SHISA9: variants seen among roughly 807,000 people sequenced by gnomAD.
SHISA9 encodes shisa family member 9.
A neutral mutation model predicts 38.0 loss-of-function variants in SHISA9; 13 were observed. The ratio of observed to expected loss-of-function variants is 0.34; its 90% CI spans 0.22 to 0.54. SHISA9 has a LOEUF of 0.54. SHISA9 is among the 20% of genes least tolerant of loss of function. SHISA9 has a pLI of 0.91. For synonymous variants in SHISA9, 275 were observed against 242.0 expected, an observed-to-expected ratio of 1.14 and a Z score of -1.27; for missense variants, 538 against 575.8, an observed-to-expected ratio of 0.93 and a Z score of 0.67.
chr16:12,902,463 GC>G lies in SHISA9; in HGVS notation c.405del (p.Ala136ProfsTer17). 1.9e-6 allele frequency: 3 copies of G among 1,551,374 alleles called. No individual in the cohort carries two copies. The highest frequency in any genetic ancestry group is 2.6e-6 in the Non-Finnish European group (3 of 1,146,984). The stretch of plus-strand genomic sequence containing the variant: ...CGCCGCTCTGGCTCAACACCGGCAA[GC>G]CCCCCGCCCGCAAGGACGACCCCTT... The part of the protein sequence containing the change: ...DTPLWLNTGK[P>X]PARKDDPLHD... On this transcript the variant is annotated frameshift_variant, in exon 1 of 5. Transcript: ENST00000558583. LOFTEE classifies it high-confidence loss of function.
At chr16:13,112,045 A>G (rs2073983718) in intron 2 of SHISA9, among the ~76,000 whole-genome samples, 1 of 152,184 alleles carries the variant, frequency 6.6e-6, no homozygotes, top group Non-Finnish European at 1.5e-5. Context: ...TTTGTCTTCT[A>G]AAAATGACTC....
At chr16:13,556,560 G>A in the SHISA9 span, among the ~76,000 whole-genome samples, 1 of 152,090 alleles carries the variant, frequency 6.6e-6, no homozygotes, top group Non-Finnish European at 1.5e-5. Flanking sequence ...CTACTAGGGA[G>A]GCTGAGGCAG....
the SHISA9 span, among the ~76,000 whole-genome samples, chr16:13,455,034 C>T: frequency 6.6e-6 from 1 of 151,972 alleles, no homozygotes; most frequent in Non-Finnish European, 1.5e-5. Flanking sequence ...ATCATATCCC[C>T]TAAGTCATTT....
chr16:13,045,710 G>T (rs1167700685), intron 2 of SHISA9, among the ~76,000 whole-genome samples: 1 of 152,014 alleles, frequency 6.6e-6, no homozygotes, highest in Admixed American at 6.6e-5. Flanking sequence ...AATAAAGCTG[G>T]ATCATGGAAA....
the SHISA9 span, among the ~76,000 whole-genome samples, chr16:13,454,347 A>C: frequency 1.3e-5 from 2 of 152,196 alleles, no homozygotes; most frequent in African/African-American, 4.8e-5. Flanking sequence ...GAGTAGGAGA[A>C]GCACTTTACG....
At chr16:13,132,456 G>C (rs1420516493) in intron 2 of SHISA9, among the ~76,000 whole-genome samples, 2 of 152,114 alleles carry the variant, frequency 1.3e-5, no homozygotes, top group Non-Finnish European at 2.9e-5. Flanking sequence ...TGGCATGACT[G>C]ACATTTTGGA....
At chr16:13,095,804 C>G (rs2073819618) in intron 2 of SHISA9, among the ~76,000 whole-genome samples, 1 of 152,250 alleles carries the variant, frequency 6.6e-6, no homozygotes, top group Admixed American at 6.5e-5. Flanking sequence ...GCAAGGCAAT[C>G]AACTCTAGCG....
chr16:13,334,021 C>A, the SHISA9 span, among the ~76,000 whole-genome samples: 1 of 152,140 alleles, frequency 6.6e-6, no homozygotes, highest in Non-Finnish European at 1.5e-5. Flanking sequence ...GAATCTTATT[C>A]CATTTGACTT....
intron 2 of SHISA9, among the ~76,000 whole-genome samples, chr16:12,955,684 T>G (rs1033250935): frequency 1.3e-5 from 2 of 149,862 alleles, no homozygotes; most frequent in Non-Finnish European, 3.0e-5. Context: ...TAAATGGTAC[T>G]GGGAGAATTG....
At chr16:12,920,677 CAG>C (rs1219263731) in intron 2 of SHISA9, among the ~76,000 whole-genome samples, 2 of 152,168 alleles carry the variant, frequency 1.3e-5, no homozygotes, top group Non-Finnish European at 2.9e-5. Context: ...AGATAGTACA[CAG>C]AGTTCTGTAT....
At chr16:13,260,019 T>TC in the SHISA9 span, among the ~76,000 whole-genome samples, 1 of 112,882 alleles carries the variant, frequency 8.9e-6, no homozygotes, top group Non-Finnish European at 1.9e-5. Context: ...TTTTTTTTTT[T>TC]TTTTTTTTTT....
At chr16:13,371,582 A>G in the SHISA9 span, among the ~76,000 whole-genome samples, 73 of 152,368 alleles carry the variant, frequency 4.8e-4, no homozygotes, top group Non-Finnish European at 7.8e-4. Flanking sequence ...TGGTAAGTGA[A>G]CACACATGGT....
At chr16:13,005,511 T>C (rs1024894638) in intron 2 of SHISA9, among the ~76,000 whole-genome samples, 5 of 152,202 alleles carry the variant, frequency 3.3e-5, no homozygotes, top group Admixed American at 3.3e-4. Context: ...CAGTAAGTTA[T>C]GGCAGAGGTG....
chr16:13,488,271 A>G, the SHISA9 span, among the ~76,000 whole-genome samples: 2 of 151,920 alleles, frequency 1.3e-5, no homozygotes, highest in Admixed American at 1.3e-4. Context: ...GGAATTAGTT[A>G]TAATTTTATG....
rs1240208369 is a variant in SHISA9 at position 12,902,147 on chromosome 16, G to A, written c.83G>A (p.Gly28Glu). Residue 28 changes from glycine (G) to glutamate (E), a missense_variant, in exon 1 of 5, where the codon GGA becomes GAA. Gly to Glu is a moderately conservative substitution (Grantham distance 98). This residue lies in a region of SHISA9 where 107 missense variants were observed against 103.0 expected (regional missense o/e 1.04). Coordinates refer to ENST00000558583, the MANE Select transcript of SHISA9 (RefSeq NM_001145204.3). ...GTGTGCCGGGCGCAGGAGCGAGCGG[G>A]ACACGGGCAGCTGGCGCAACTGGGC... ...ARVCRAQERA[G>E]HGQLAQLGGV... The A allele has an allele frequency of 3.9e-6, 6 of 1,526,006 alleles. No individual in the cohort carries two copies. The highest frequency in any genetic ancestry group is 5.3e-6 in the Non-Finnish European group (6 of 1,142,612). The allele number at this position is 1,526,006 out of a possible 1,614,324, so 94.5% of individuals were successfully genotyped here. A position where few individuals can be genotyped will look rare whatever the true frequency, so the allele number is the denominator to read the frequency against.
intron 2 of SHISA9, among the ~76,000 whole-genome samples, chr16:12,997,812 C>G (rs1474389507): frequency 6.6e-6 from 1 of 152,170 alleles, no homozygotes; most frequent in Non-Finnish European, 1.5e-5. Context: ...CACTGAGGCC[C>G]TTCACCTCTG....
the SHISA9 span, among the ~76,000 whole-genome samples, chr16:13,437,830 G>A: frequency 1.8e-5 from 2 of 110,890 alleles, no homozygotes; most frequent in African/African-American, 5.6e-5. Flanking sequence ...GGATCTAAGA[G>A]AAGGCAAGTC....
downstream of SHISA9, chr16:13,240,527 A>G (rs2051426934): frequency 6.6e-6 from 1 of 152,230 alleles, no homozygotes; most frequent in South Asian, 2.1e-4. Context: ...CTCAGAATAT[A>G]TGGGAAGTTG....
the SHISA9 span, among the ~76,000 whole-genome samples, chr16:13,529,669 AGTTT>A: frequency 7.5e-3 from 1,138 of 152,320 alleles, 12 homozygotes; most frequent in Middle Eastern, 0.044. Context: ...TATGTGACAG[AGTTT>A]GTTTTTTTCC....
Sources: allele counts gnomAD v4.1 joint callset (sites outside exome capture counted in the v4.1 genomes callset), GRCh38; gene constraint gnomAD v4.1.1; regional missense constraint gnomAD v4.1.1; transcripts MANE v1.5; gene names NCBI Gene and HGNC (gene_info 2026-07-23, HGNC 2026-07-21).